Variants in CYP2C18 observed in about 807,000 individuals in gnomAD.
CYP2C18 encodes the protein cytochrome P450 2C18.
In CYP2C18, 38 loss-of-function variants were observed where a neutral mutation model predicts 41.3. That is an observed-to-expected ratio of 0.92 (90% CI 0.71 to 1.21). The LOEUF (loss-of-function observed/expected upper bound fraction) is 1.21, where lower values mean the gene tolerates loss of function less well. Among genes scored for constraint, CYP2C18 ranks in the 50% most tolerant of loss-of-function variants. The pLI is 0.00. For missense variants in CYP2C18, 635 were observed against 591.4 expected (o/e 1.07, Z -0.77); for synonymous variants, 236 against 210.0 (o/e 1.12, Z -1.07).
chr10:94,709,170 A>G (rs1283702051), intron 5 of CYP2C18, among the ~76,000 whole-genome samples: 1 of 152,186 alleles, frequency 6.6e-6, no homozygotes, highest in East Asian at 1.9e-4. Flanking sequence ...TAAATGTAAG[A>G]GCTAAAAATA....
chr10:94,734,855 A>C (rs1190386303), intron 8 of CYP2C18, among the ~76,000 whole-genome samples: 1 of 152,196 alleles, frequency 6.6e-6, no homozygotes, highest in Non-Finnish European at 1.5e-5. Context: ...ACACTAGGAA[A>C]AAAAATCTTT....
intron 8 of CYP2C18, 118 bp from the exon 9 acceptor site, chr10:94,735,145 A>C: frequency 9.8e-7 from 1 of 1,024,394 alleles, no homozygotes; most frequent in Non-Finnish European, 1.5e-6. Context: ...CCTTCCAGTC[A>C]TTCTGCCTTC....
intron 4 of CYP2C18, among the ~76,000 whole-genome samples, chr10:94,701,573 C>G (rs1228516330): frequency 6.6e-6 from 1 of 152,102 alleles, no homozygotes; most frequent in South Asian, 2.1e-4. Flanking sequence ...ACATATGTAA[C>G]AAACCTGCAC....
At chr10:94,703,864 G>A (rs1353935390) in intron 4 of CYP2C18, among the ~76,000 whole-genome samples, 1 of 152,226 alleles carries the variant, frequency 6.6e-6, no homozygotes, top group Non-Finnish European at 1.5e-5. Flanking sequence ...CCCTTGTGGT[G>A]TAGGCATCTG....
intron 4 of CYP2C18, among the ~76,000 whole-genome samples, chr10:94,699,446 C>T (rs940915689): frequency 1.1e-4 from 17 of 152,324 alleles, no homozygotes; most frequent in Admixed American, 2.6e-4. Flanking sequence ...ATGCTAAAAA[C>T]TTTCAATAAA....
In CYP2C18 at chr10:94,706,179, TGGCTGTGCTGAGCTA is replaced by T. The variant is rs542575496; in HGVS notation, c.643-603_643-589del. Among the ~76,000 whole-genome samples, 71 of 152,314 alleles carry T rather than the reference TGGCTGTGCTGAGCTA, an allele frequency of 4.7e-4. No individual in the cohort carries two copies. The East Asian group carries it at 0.013, about 28-fold the overall frequency. Reference sequence around the variant, plus strand: ...ATGAACCATTAAAAAATTACAGTTTTGGCTGTGCTGAGCTAGCATGTCCTGAACTCTGTCTAAAGG... The same window carrying T: ...ATGAACCATTAAAAAATTACAGTTTTGCATGTCCTGAACTCTGTCTAAAGG... On this transcript the variant is annotated intron_variant, in intron 4 of 8. Coordinates refer to ENST00000285979, the MANE Select transcript of CYP2C18 (RefSeq NM_000772.3).
Position 94,695,030 on chromosome 10 carries a change from G to A in CYP2C18, c.595G>A (p.Glu199Lys). 1.2e-6 allele frequency: 2 copies of A among 1,613,110 alleles called. No individual in the cohort carries two copies. Among genetic ancestry groups the A allele is most frequent in the South Asian group, 2.2e-5 (2 of 90,988 alleles). The change falls in exon 4 of 9, where the codon GAA becomes AAA. Residue 199 changes from glutamate (E) to lysine (K), a missense_variant. Glu to Lys is a moderately conservative substitution (Grantham distance 56, BLOSUM62 1). Coordinates refer to ENST00000285979, the MANE Select transcript of CYP2C18 (RefSeq NM_000772.3). ...AGATCAGAGGTTTCTTAACTTGATG[G>A]AAAAATTCAATGAAAACCTCAGGAT... ...YKDQRFLNLM[E>K]KFNENLRILS...
At chr10:94,724,145 A>T (rs1167447584) in intron 6 of CYP2C18, among the ~76,000 whole-genome samples, 1 of 151,630 alleles carries the variant, frequency 6.6e-6, no homozygotes, top group Non-Finnish European at 1.5e-5. Context: ...GTGGTTACAG[A>T]TTTATCTTAA....
Position 94,687,761 on chromosome 10 carries a change from T to C in CYP2C18, c.169-9T>C. 1.2e-6 allele frequency: 2 copies of C among 1,608,242 alleles called. No homozygotes were observed. The highest frequency in any genetic ancestry group is 1.7e-6 in the Non-Finnish European group (2 of 1,177,834). On this transcript the variant is annotated splice_polypyrimidine_tract_variant and intron_variant, in intron 1 of 8. Coordinates refer to ENST00000285979, the MANE Select transcript of CYP2C18 (RefSeq NM_000772.3). The stretch of plus-strand genomic sequence containing the variant: ...TTGCTACTATTTGAACCTCCTTTTC[T>C]ATGTTTAGTTCTCAAAAGTCTATGG...
At chr10:94,688,030 G>C in intron 2 of CYP2C18, 95 bp from the exon 3 acceptor site, 1 of 1,598,386 alleles carries the variant, frequency 6.3e-7, no homozygotes, top group East Asian at 2.2e-5. Context: ...AGAGCTCCTG[G>C]GACAGAACTT....
rs184727498 is a variant in CYP2C18 at position 94,731,597 on chromosome 10, G to A, written c.1150-1700G>A. On this transcript the variant is annotated intron_variant, in intron 7 of 8. Coordinates refer to ENST00000285979, the MANE Select transcript of CYP2C18 (RefSeq NM_000772.3). Reference sequence around the variant, plus strand: ...ATAAGGCTACAGTAACCAAAATAGCGTAGTACTGGTACAAAAACAGACACA... The same window carrying A: ...ATAAGGCTACAGTAACCAAAATAGCATAGTACTGGTACAAAAACAGACACA... 1.6e-3 allele frequency among the ~76,000 whole-genome samples: 243 copies of A among 152,120 alleles called. 1 individual carries two copies. Among genetic ancestry groups the A allele is most frequent in the Non-Finnish European group, 2.8e-3 (190 of 67,990 alleles).
At chr10:94,724,717 C>T (rs1357902077) in intron 7 of CYP2C18, among the ~76,000 whole-genome samples, 184 bp downstream of exon 7, 1 of 152,050 alleles carries the variant, frequency 6.6e-6, no homozygotes, top group Non-Finnish European at 1.5e-5. Context: ...GTCTCAGTAT[C>T]TAGCAGTGTA....
chr10:94,713,124 T>TA (rs1269936833), intron 5 of CYP2C18, among the ~76,000 whole-genome samples: 1 of 152,152 alleles, frequency 6.6e-6, no homozygotes, highest in Admixed American at 6.6e-5. Context: ...ATTTTAATTT[T>TA]AAAAGAAGTA....
intron 7 of CYP2C18, among the ~76,000 whole-genome samples, chr10:94,725,630 AAGGTT>A (rs1209670767): frequency 6.6e-6 from 1 of 152,094 alleles, no homozygotes; most frequent in East Asian, 1.9e-4. Flanking sequence ...CAGATTAGAG[AAGGTT>A]GCCTTCTACT....
chr10:94,723,712 G>T (rs1313818153), intron 6 of CYP2C18, among the ~76,000 whole-genome samples: 1 of 152,078 alleles, frequency 6.6e-6, no homozygotes, highest in Non-Finnish European at 1.5e-5. Flanking sequence ...GTGTCTATTT[G>T]TTATGGGGTG....
intron 5 of CYP2C18, among the ~76,000 whole-genome samples, chr10:94,709,912 C>T (rs7918101): frequency 0.2 from 30,516 of 152,014 alleles, 3,266 homozygotes; most frequent in Middle Eastern, 0.23. Flanking sequence ...ACTACAAACA[C>T]GAGGATTTAT....
At chr10:94,694,473 T>TA (rs1564638726) in intron 3 of CYP2C18, among the ~76,000 whole-genome samples, 3 of 152,202 alleles carry the variant, frequency 2.0e-5, no homozygotes, top group Non-Finnish European at 4.4e-5. Context: ...ACACAGTTAC[T>TA]TTAACTACTC....
At chr10:94,725,188 C>T (rs1478518558) in intron 7 of CYP2C18, among the ~76,000 whole-genome samples, 1 of 150,912 alleles carries the variant, frequency 6.6e-6, no homozygotes, top group African/African-American at 2.4e-5. Flanking sequence ...CAATCCTCCA[C>T]CTCTTCCTCC....
rs1471487453 is a variant in CYP2C18 at position 94,733,287 on chromosome 10, C to A, written c.1150-10C>A. The A allele has an allele frequency of 1.9e-6, 3 of 1,609,636 alleles. No homozygotes were observed. Among genetic ancestry groups the A allele is most frequent in the Non-Finnish European group, 2.5e-6 (3 of 1,177,812 alleles). On this transcript the variant is annotated splice_polypyrimidine_tract_variant and intron_variant, in intron 7 of 8. Coordinates refer to ENST00000285979, the MANE Select transcript of CYP2C18 (RefSeq NM_000772.3). ...TTTATAACTTAGTTTGTCTGTTTTG[C>A]TATTTTCAGGGCACGACCATAATAA... is the stretch of plus-strand genomic sequence containing the variant.
Sources: allele counts gnomAD v4.1 joint callset (sites outside exome capture counted in the v4.1 genomes callset), GRCh38; gene constraint gnomAD v4.1.1; transcripts MANE v1.5; gene names NCBI Gene and HGNC (gene_info 2026-07-23, HGNC 2026-07-21).